The following STT3B variants were observed in gnomAD, a reference collection of about 807,000 sequenced individuals.
The protein encoded by STT3B is dolichyl-diphosphooligosaccharide--protein glycosyltransferase subunit STT3B.
STT3B carries 29 observed loss-of-function variants against 96.8 expected under a neutral mutation model. The ratio of observed to expected loss-of-function variants is 0.30; its 90% CI spans 0.22 to 0.41. The LOEUF is 0.41. STT3B is among the 10% of genes least tolerant of loss of function. The pLI is 1.00. For missense variants in STT3B, 640 were observed against 1,022.3 expected (o/e 0.63, Z 5.10); for synonymous variants, 367 against 360.0 (o/e 1.02, Z -0.22).
chr3:31,614,650 T>C (rs553871498), intron 5 of STT3B, among the ~76,000 whole-genome samples: 1 of 152,106 alleles, frequency 6.6e-6, no homozygotes, highest in South Asian at 2.1e-4. Flanking sequence ...TAAAAAGGTA[T>C]GAACTACTTC....
chr3:31,584,550 A>C (rs569287400), intron 3 of STT3B, among the ~76,000 whole-genome samples: 1 of 152,286 alleles, frequency 6.6e-6, no homozygotes, highest in Admixed American at 6.5e-5. Flanking sequence ...TGTTGATTAC[A>C]CAAGGTTATA....
intron 5 of STT3B, among the ~76,000 whole-genome samples, chr3:31,607,128 A>G (rs1699070301): frequency 6.6e-6 from 1 of 152,102 alleles, no homozygotes; most frequent in South Asian, 2.1e-4. Flanking sequence ...CTAGGAAGTA[A>G]CTAACTTGCT....
intron 4 of STT3B, among the ~76,000 whole-genome samples, chr3:31,599,754 A>C: frequency 6.6e-6 from 1 of 152,226 alleles, no homozygotes; most frequent in Non-Finnish European, 1.5e-5. Context: ...GTAGACCAAG[A>C]ACATCCTCAG....
chr3:31,579,379 C>A (rs1474027241), intron 2 of STT3B, among the ~76,000 whole-genome samples: 1 of 147,378 alleles, frequency 6.8e-6, no homozygotes, highest in Admixed American at 7.1e-5. Flanking sequence ...TCTTTATCTT[C>A]CTTTTCTCAT....
intron 7 of STT3B, 24 bp downstream of exon 7, chr3:31,617,099 G>A (rs1486545875): frequency 6.6e-7 from 1 of 1,514,990 alleles, no homozygotes; most frequent in Admixed American, 1.8e-5. Flanking sequence ...CCTGTAGGGT[G>A]TGAATATTGT....
chr3:31,597,501 A>G (rs1043606038), intron 4 of STT3B, among the ~76,000 whole-genome samples: 5 of 151,072 alleles, frequency 3.3e-5, no homozygotes, highest in Admixed American at 1.3e-4. Context: ...CTGTTAGCCA[A>G]TCTGGAGTGC....
At chr3:31,615,801 TAAAAACAACCC>T (rs1699294308) in intron 6 of STT3B, among the ~76,000 whole-genome samples, 1 of 151,954 alleles carries the variant, frequency 6.6e-6, no homozygotes, top group African/African-American at 2.4e-5. Flanking sequence ...AATGGACTTT[TAAAAACAACCC>T]TTAAAATTGA....
chr3:31,544,687 G>C (rs1697357064), intron 1 of STT3B, among the ~76,000 whole-genome samples: 1 of 152,198 alleles, frequency 6.6e-6, no homozygotes, highest in African/African-American at 2.4e-5. Context: ...ATTTGCACGG[G>C]GCGCGGTGGC....
chr3:31,552,303 C>G (rs935110595), intron 1 of STT3B, among the ~76,000 whole-genome samples: 6 of 152,188 alleles, frequency 3.9e-5, no homozygotes, highest in Non-Finnish European at 7.3e-5. Flanking sequence ...ATACCTCTTA[C>G]TTGCCAGGGA....
At chr3:31,567,703 A>T (rs1434755674) in intron 1 of STT3B, among the ~76,000 whole-genome samples, 10 of 152,154 alleles carry the variant, frequency 6.6e-5, no homozygotes, top group Admixed American at 6.5e-4. Context: ...TATAATTTTT[A>T]ATTTTTTATA....
chr3:31,550,937 T>G (rs1305216100), intron 1 of STT3B, among the ~76,000 whole-genome samples: 2 of 152,160 alleles, frequency 1.3e-5, no homozygotes, highest in East Asian at 3.9e-4. Flanking sequence ...GCTTTGTACT[T>G]TACCTTGGTT....
intron 1 of STT3B, among the ~76,000 whole-genome samples, chr3:31,567,665 A>C (rs1698037145): frequency 6.6e-6 from 1 of 152,152 alleles, no homozygotes; most frequent in Non-Finnish European, 1.5e-5. Context: ...GAAGATATAA[A>C]AGCCTTAGGT....
At chr3:31,631,240 C>T (rs1033721881) in intron 14 of STT3B, among the ~76,000 whole-genome samples, 7 of 152,080 alleles carry the variant, frequency 4.6e-5, no homozygotes, top group Admixed American at 3.9e-4. Context: ...TATCATTATT[C>T]ACTTGGAATT....
intron 11 of STT3B, 150 bp from the exon 12 acceptor site, chr3:31,624,764 C>CTTTT: frequency 2.0e-6 from 1 of 488,230 alleles, no homozygotes; most frequent in Non-Finnish European, 3.6e-6. Flanking sequence ...CATTGTTTCA[C>CTTTT]TTTTTTTTTT....
chr3:31,556,494 C>T (rs1196073302), intron 1 of STT3B, among the ~76,000 whole-genome samples: 1 of 152,106 alleles, frequency 6.6e-6, no homozygotes, highest in Non-Finnish European at 1.5e-5. Context: ...TTCCAAGTGG[C>T]CATATAATTT....
rs772468505 is a variant in STT3B at position 31,571,660 on chromosome 3, T to C, written c.315-4736T>C. On this transcript the variant is annotated intron_variant, in intron 1 of 15. Coordinates refer to ENST00000295770, the MANE Select transcript of STT3B (RefSeq NM_178862.3). ...TGAGCCAATCATATTCTTACTCATA[T>C]TTACATGAACAGAGGAAAAGAAAAT... Among the ~76,000 whole-genome samples, 379 of 152,178 alleles carry C rather than the reference T, an allele frequency of 2.5e-3. 3 individuals are homozygous for C. Among genetic ancestry groups the C allele is most frequent in the Non-Finnish European group, 4.0e-3 (271 of 68,008 alleles).
At position 31,579,862 on chromosome 3, in the gene STT3B, A is replaced by G. The variant is rs139496568; in HGVS notation, c.477A>G (p.Thr159=). 1.9e-3 allele frequency: 3,086 copies of G among 1,613,676 alleles called. 62 individuals are homozygous for G. The African/African-American group carries it at 0.037, about 19-fold the overall frequency. Residue 159 remains threonine, a synonymous_variant, in exon 3 of 16, where the codon ACA becomes ACG. Coordinates refer to ENST00000295770, the MANE Select transcript of STT3B (RefSeq NM_178862.3). ...TAGLIHWILN[T]LNITVHIRDV... ...GCCTTATTCATTGGATTTTAAATAC[A>G]TTGAACATAACTGTTCACATAAGAG...
At chr3:31,602,591 C>T (rs1157176987) in intron 5 of STT3B, among the ~76,000 whole-genome samples, 1 of 151,632 alleles carries the variant, frequency 6.6e-6, no homozygotes, top group African/African-American at 2.4e-5. Context: ...GTCCAACTCC[C>T]CTTTAACCTT....
In STT3B at chr3:31,533,320, C is replaced by T. The variant is rs1248298083; in HGVS notation, c.314+8C>T. On this transcript the variant is annotated splice_region_variant and intron_variant, in intron 1 of 15. Coordinates refer to ENST00000295770, the MANE Select transcript of STT3B (RefSeq NM_178862.3). Reference sequence around the variant, plus strand: ...CCACGAGTTCGACCCGTGGTAAGTGCCTCGCCGCCCCTCCCCCGCCCGTGG... The same window carrying T: ...CCACGAGTTCGACCCGTGGTAAGTGTCTCGCCGCCCCTCCCCCGCCCGTGG... 5 of 1,515,906 alleles carry T rather than the reference C, an allele frequency of 3.3e-6. No homozygotes were observed. Among genetic ancestry groups the T allele is most frequent in the Non-Finnish European group, 2.7e-6 (3 of 1,130,864 alleles). 93.9% of individuals were successfully genotyped at this position (1,515,906 alleles called of 1,614,324 possible). A position where few individuals can be genotyped will look rare whatever the true frequency, so the allele number is the denominator to read the frequency against.
Sources: allele counts gnomAD v4.1 joint callset (sites outside exome capture counted in the v4.1 genomes callset), GRCh38; gene constraint gnomAD v4.1.1; transcripts MANE v1.5; gene names NCBI Gene and HGNC (gene_info 2026-07-23, HGNC 2026-07-21).